The following SNX7 variants were observed in gnomAD, a reference collection of about 807,000 sequenced individuals.
SNX7 encodes sorting nexin-7.
A neutral mutation model predicts 48.4 loss-of-function variants in SNX7; 35 were observed. The observed-to-expected ratio is 0.72, with a 90% CI of 0.55 to 0.96. SNX7 has a LOEUF of 0.96. Among genes scored for constraint, SNX7 ranks in the 40% least tolerant of loss-of-function variants. SNX7 has a pLI of 0.00. For missense variants in SNX7, 553 were observed against 548.9 expected, an observed-to-expected ratio of 1.01 and a Z score of -0.07; for synonymous variants, 190 against 190.2, an observed-to-expected ratio of 1.00 and a Z score of 0.01.
chr1:98,725,685 A>G (rs1004877303), intron 7 of SNX7, among the ~76,000 whole-genome samples: 1 of 132,650 alleles, frequency 7.5e-6, no homozygotes, highest in Non-Finnish European at 1.8e-5. Flanking sequence ...ATTCAGGGGG[A>G]AAACATCCAT....
intron 8 of SNX7, among the ~76,000 whole-genome samples, chr1:98,759,608 G>C (rs977364128): frequency 2.6e-5 from 4 of 151,994 alleles, no homozygotes; most frequent in African/African-American, 4.8e-5. Context: ...TGTGCTAGTG[G>C]TAAGTACTAT....
chr1:98,736,803 T>C (rs1653801862), intron 7 of SNX7, among the ~76,000 whole-genome samples: 1 of 152,196 alleles, frequency 6.6e-6, no homozygotes, highest in African/African-American at 2.4e-5. Flanking sequence ...GCATCAGAAG[T>C]AATACATTTT....
At chr1:98,685,140 C>A in intron 2 of SNX7, 73 bp downstream of exon 2, 1 of 921,236 alleles carries the variant, frequency 1.1e-6, no homozygotes, top group Non-Finnish European at 1.5e-6. Flanking sequence ...ACCTCTTGTT[C>A]ATTATAATTC....
chr1:98,739,678 G>C (rs971571677), intron 8 of SNX7, among the ~76,000 whole-genome samples: 1 of 139,748 alleles, frequency 7.2e-6, no homozygotes, highest in Non-Finnish European at 1.6e-5. Context: ...TGATGAATAA[G>C]GAGTTGCCAG....
chr1:98,698,689 TC>T lies in SNX7; in HGVS notation c.839-16del, dbSNP rs1245470269. ...TTTGTTTATTGAAGAGCTTATTAAG[TC>T]TTTTTTTTTTTTTAGAATATTTTGA... On this transcript the variant is annotated splice_polypyrimidine_tract_variant and intron_variant, in intron 5 of 8. Transcript: ENST00000306121. 6.3e-7 allele frequency: 1 copy of T among 1,580,152 alleles called. No individual in the cohort carries two copies. The highest frequency in any genetic ancestry group is 1.7e-5 in the Admixed American group (1 of 57,700).
At chr1:98,756,184 A>G (rs1225283284) in intron 8 of SNX7, among the ~76,000 whole-genome samples, 1 of 151,952 alleles carries the variant, frequency 6.6e-6, no homozygotes, top group Non-Finnish European at 1.5e-5. Context: ...CTTCATATAT[A>G]AGAACCTACA....
intron 1 of SNX7, among the ~76,000 whole-genome samples, chr1:98,677,832 C>T (rs1302189622): frequency 1.7e-4 from 25 of 148,872 alleles, no homozygotes; most frequent in Non-Finnish European, 2.7e-4. Context: ...GAGCCCAGAT[C>T]GCACCACTGC....
At chr1:98,691,937 A>ACACACTCTCTCT (rs376006567) in intron 4 of SNX7, among the ~76,000 whole-genome samples, 11,788 of 131,126 alleles carry the variant, frequency 0.09, 591 homozygotes, top group Non-Finnish European at 0.13. Flanking sequence ...ACACACACAC[A>ACACACTCTCTCT]CTCTCTCTCT....
intron 7 of SNX7, among the ~76,000 whole-genome samples, chr1:98,735,449 G>A (rs1375719206): frequency 6.6e-6 from 1 of 152,038 alleles, no homozygotes; most frequent in Non-Finnish European, 1.5e-5. Flanking sequence ...ACCAAAAAAT[G>A]ACAAGAATTG....
intron 1 of SNX7, among the ~76,000 whole-genome samples, chr1:98,665,457 A>C (rs1557782562): frequency 6.6e-6 from 1 of 152,360 alleles, no homozygotes; most frequent in East Asian, 1.9e-4. Flanking sequence ...AAACATGATC[A>C]ATAGAAGCTA....
chr1:98,734,192 T>C (rs1035244647), intron 7 of SNX7, among the ~76,000 whole-genome samples: 1 of 152,120 alleles, frequency 6.6e-6, no homozygotes. Flanking sequence ...AAATGTCCCC[T>C]ACCCCACAAT....
chr1:98,682,946 C>T (rs2100936175), intron 1 of SNX7, among the ~76,000 whole-genome samples: 1 of 152,240 alleles, frequency 6.6e-6, no homozygotes, highest in Middle Eastern at 3.4e-3. Context: ...CATAGTAGGA[C>T]AGTTCTTGAG....
At chr1:98,683,571 C>T (rs187783987) in intron 1 of SNX7, among the ~76,000 whole-genome samples, 1 of 152,092 alleles carries the variant, frequency 6.6e-6, no homozygotes, top group African/African-American at 2.4e-5. Flanking sequence ...GACCCTCCCC[C>T]CTTTTACCAT....
chr1:98,711,029 T>C (rs1652272595), intron 7 of SNX7, among the ~76,000 whole-genome samples: 1 of 152,176 alleles, frequency 6.6e-6, no homozygotes, highest in Non-Finnish European at 1.5e-5. Context: ...AAATAGTTAT[T>C]ATTTTGAGAC....
chr1:98,726,751 A>C (rs1252119182), intron 7 of SNX7, among the ~76,000 whole-genome samples: 1 of 152,120 alleles, frequency 6.6e-6, no homozygotes, highest in Non-Finnish European at 1.5e-5. Context: ...GAGAAACTCT[A>C]AGGCAACTGT....
intron 7 of SNX7, among the ~76,000 whole-genome samples, chr1:98,718,796 C>T (rs924485621): frequency 3.9e-5 from 6 of 151,964 alleles, no homozygotes; most frequent in Admixed American, 1.3e-4. Context: ...CTTTTTAATT[C>T]GTGTGGTAAT....
intron 7 of SNX7, among the ~76,000 whole-genome samples, chr1:98,710,216 A>T (rs1652228210): frequency 6.6e-6 from 1 of 152,136 alleles, no homozygotes; most frequent in African/African-American, 2.4e-5. Context: ...TTACCAATGA[A>T]ATTTGCTTAG....
At chr1:98,723,645 G>C (rs1653008900) in intron 7 of SNX7, among the ~76,000 whole-genome samples, 1 of 152,074 alleles carries the variant, frequency 6.6e-6, no homozygotes, top group African/African-American at 2.4e-5. Context: ...CCTGAGGTCA[G>C]GAGTTCAATA....
chr1:98,691,861 G>A (rs925420451), intron 4 of SNX7, among the ~76,000 whole-genome samples, 162 bp downstream of exon 4: 3 of 151,476 alleles, frequency 2.0e-5, no homozygotes, highest in African/African-American at 7.3e-5. Context: ...ATATAACCCT[G>A]TGTCAAATCT....
Sources: gnomAD v4.1 joint callset for allele counts (sites outside exome capture counted in the v4.1 genomes callset) on GRCh38, gnomAD v4.1.1 for gene constraint, MANE v1.5 for transcripts, NCBI Gene and HGNC (gene_info 2026-07-23, HGNC 2026-07-21) for gene names.